CTNS: variants seen among roughly 807,000 people sequenced by gnomAD.
CTNS encodes cystinosin, lysosomal cystine transporter, also known as cystinosin.
CTNS carries 27 observed loss-of-function variants against 43.7 expected under a neutral mutation model. The observed-to-expected ratio is 0.62, with a 90% CI of 0.46 to 0.85. The LOEUF is 0.85. CTNS is among the 40% of genes least tolerant of loss of function. The probability of loss-of-function intolerance (pLI) is 0.00; values close to 1 mark genes in which losing one functional copy is unlikely to be tolerated. For synonymous variants in CTNS, 187 were observed against 190.6 expected (o/e 0.98, Z 0.16); for missense variants, 457 against 475.4 (o/e 0.96, Z 0.36).
At chr17:3,649,383 C>T (rs982870778) in intron 5 of CTNS, among the ~76,000 whole-genome samples, 6 of 146,538 alleles carry the variant, frequency 4.1e-5, no homozygotes, top group Non-Finnish European at 7.4e-5. Context: ...ACCCAGGAGG[C>T]GGAGGTTGGG....
chr17:3,656,690 C>T lies in CTNS; in HGVS notation c.576C>T (p.Leu192=). 1 of 1,613,142 alleles carries T rather than the reference C, an allele frequency of 6.2e-7. No individual in the cohort carries two copies. Among genetic ancestry groups the T allele is most frequent in the Non-Finnish European group, 8.5e-7 (1 of 1,179,902 alleles). ...WVPYIKEQFL[L]KYPNGVNPVN... is the part of the protein sequence containing the mutation. ...CCACCAAACAGGAGCAGTTTCTCCTCAAATACCCCAACGGAGTGAACCCCG... is the reference window on the plus strand; with the variant it reads ...CCACCAAACAGGAGCAGTTTCTCCTTAAATACCCCAACGGAGTGAACCCCG... Residue 192 remains leucine (L), a synonymous_variant, in exon 9 of 12, where the codon CTC becomes CTT. Transcript: ENST00000046640.
intron 5 of CTNS, among the ~76,000 whole-genome samples, chr17:3,651,240 A>G (rs2075974654): frequency 6.6e-6 from 1 of 150,730 alleles, no homozygotes; most frequent in African/African-American, 2.4e-5. Flanking sequence ...GATTACAGGC[A>G]CACACCACCA....
chr17:3,645,490 C>T (rs224503), intron 3 of CTNS, among the ~76,000 whole-genome samples: 54,453 of 151,886 alleles, frequency 0.36, 11,450 homozygotes, highest in Non-Finnish European at 0.47. Context: ...TTAGAGGAGA[C>T]GAGGTTACAG....
chr17:3,660,608 T>C lies in CTNS; in HGVS notation c.*239T>C. 1 of 1,613,180 alleles carries C rather than the reference T, an allele frequency of 6.2e-7. No individual in the cohort carries two copies. The highest frequency in any genetic ancestry group is 2.2e-5 in the East Asian group (1 of 44,876). ...CGTCGCCTTGACACCGCCATCTCTT[T>C]TCTTTAAGGCTTCAGGCAGCGCGCA... On this transcript the variant is annotated 3_prime_UTR_variant, in exon 12 of 12. Coordinates refer to ENST00000046640, the MANE Select transcript of CTNS (RefSeq NM_004937.3).
At position 3,660,268 on chromosome 17, in the gene CTNS, A is replaced by C; in HGVS notation, c.1003A>C (p.Lys335Gln). The C allele has an allele frequency of 6.2e-7, 1 of 1,614,184 alleles. No individual in the cohort carries two copies. The highest frequency in any genetic ancestry group is 8.5e-7 in the Non-Finnish European group (1 of 1,180,034). Reference sequence around the variant, plus strand: ...GACGCTGATCTTCGGAGACCCAACCAAGTTTGGACTCGGGGTCTTCTCCAT... The same window carrying C: ...GACGCTGATCTTCGGAGACCCAACCCAGTTTGGACTCGGGGTCTTCTCCAT... ...QWTLIFGDPT[K>Q]FGLGVFSIVF... The change falls in exon 12 of 12, where the codon AAG becomes CAG. Residue 335 changes from lysine to glutamine, a missense_variant. Coordinates refer to ENST00000046640, the MANE Select transcript of CTNS (RefSeq NM_004937.3).
chr17:3,652,858 G>A (rs952162180), intron 5 of CTNS, among the ~76,000 whole-genome samples: 1 of 152,198 alleles, frequency 6.6e-6, no homozygotes, highest in Non-Finnish European at 1.5e-5. Flanking sequence ...AGACGTGGAC[G>A]TAAGTTGGAC....
intron 2 of CTNS, 62 bp from the exon 3 acceptor site, chr17:3,640,126 T>A: frequency 7.4e-7 from 1 of 1,350,044 alleles, no homozygotes; most frequent in Non-Finnish European, 1.1e-6. Flanking sequence ...GCAGATTGTC[T>A]ACAGGGAGCT....
chr17:3,649,072 CT>C, intron 5 of CTNS, 141 bp downstream of exon 5: 1 of 752,796 alleles, frequency 1.3e-6, no homozygotes, highest in Admixed American at 2.0e-5. Context: ...TTGTTGGTGT[CT>C]TTTGGGGATG....
intron 3 of CTNS, among the ~76,000 whole-genome samples, chr17:3,645,638 T>A (rs1324350000): frequency 6.6e-6 from 1 of 152,010 alleles, no homozygotes; most frequent in Non-Finnish European, 1.5e-5. Flanking sequence ...GGCAGGCAGA[T>A]CACCTGATGT....
chr17:3,638,307 G>A (rs2075591827), intron 2 of CTNS, among the ~76,000 whole-genome samples: 1 of 151,110 alleles, frequency 6.6e-6, no homozygotes, highest in Non-Finnish European at 1.5e-5. Flanking sequence ...GTGCAATCTC[G>A]GCTCACTGCA....
chr17:3,657,724 CAG>C (rs2076187014), intron 9 of CTNS: 3 of 523,650 alleles, frequency 5.7e-6, no homozygotes, highest in East Asian at 6.8e-5. Context: ...ACAAAGCAGA[CAG>C]AGCTTGAGAG....
In CTNS at chr17:3,661,084, C is replaced by G; in HGVS notation, c.*715C>G. 2.7e-6 allele frequency: 1 copy of G among 364,654 alleles called. No individual in the cohort carries two copies. 22.6% of individuals were successfully genotyped at this position (364,654 alleles called of 1,614,324 possible). ...AGTGGCTTACTCTCTTCTGCCCTCTCTCCTACCTCCACCTTCTCAGATTAG... is the reference window on the plus strand; with the variant it reads ...AGTGGCTTACTCTCTTCTGCCCTCTGTCCTACCTCCACCTTCTCAGATTAG... On this transcript the variant is annotated 3_prime_UTR_variant, in exon 12 of 12. Coordinates refer to ENST00000046640, the MANE Select transcript of CTNS (RefSeq NM_004937.3).
At chr17:3,641,385 T>TATATATATATATATATATATA (rs57286057) in intron 3 of CTNS, among the ~76,000 whole-genome samples, 18 of 41,998 alleles carry the variant, frequency 4.3e-4, no homozygotes, top group East Asian at 3.2e-3. Flanking sequence ...TATATATATA[T>TATATATATATATATATATATA]TTTTTTTTTT....
intron 3 of CTNS, among the ~76,000 whole-genome samples, chr17:3,646,303 T>TC (rs2150902729): frequency 1.3e-5 from 2 of 150,374 alleles, no homozygotes; most frequent in East Asian, 3.9e-4. Flanking sequence ...TTTTTTTTTT[T>TC]TTTTTGAGAT....
chr17:3,639,575 C>T (rs1158878935), intron 2 of CTNS, among the ~76,000 whole-genome samples: 1 of 150,356 alleles, frequency 6.7e-6, no homozygotes, highest in African/African-American at 2.4e-5. Context: ...GGCTGAGGCA[C>T]AAGAATTGCT....
chr17:3,641,474 C>A (rs1176384906), intron 3 of CTNS, among the ~76,000 whole-genome samples: 3 of 142,904 alleles, frequency 2.1e-5, no homozygotes, highest in African/African-American at 7.9e-5. Flanking sequence ...CCACTGCAAC[C>A]TCCACCTCCC....
chr17:3,648,905 A>G lies in CTNS; in HGVS notation c.199A>G (p.Ile67Val). Reference protein sequence around the residue: ...TFEITFRSKNITILELPDEVV... With the variant: ...TFEITFRSKNVTILELPDEVV... ...TGAAATCACATTTCGTTCCAAAAAT[A>G]TTACTATCCTTGAGCTCCCCGATGA... The change falls in exon 5 of 12, where the codon ATT becomes GTT. Residue 67 changes from isoleucine (I) to valine (V), a missense_variant. Coordinates refer to ENST00000046640, the MANE Select transcript of CTNS (RefSeq NM_004937.3). 6.2e-7 allele frequency: 1 copy of G among 1,613,724 alleles called. No homozygotes were observed. The highest frequency in any genetic ancestry group is 8.5e-7 in the Non-Finnish European group (1 of 1,179,610).
chr17:3,639,185 G>A (rs378946), intron 2 of CTNS, among the ~76,000 whole-genome samples: 64,599 of 151,866 alleles, frequency 0.43, 14,407 homozygotes, highest in Non-Finnish European at 0.49. Context: ...GAGGCAGCAC[G>A]GAGACCAAGC....
Position 3,661,747 on chromosome 17 carries a change from C to A in CTNS, c.*1378C>A, listed in dbSNP as rs1404539051. Reference sequence around the variant, plus strand: ...CAGGTCAGTCTCCCAGGCTCCGTGTCTTCACGGTTACCAGGGCACGCCACT... The same window carrying A: ...CAGGTCAGTCTCCCAGGCTCCGTGTATTCACGGTTACCAGGGCACGCCACT... On this transcript the variant is annotated 3_prime_UTR_variant, in exon 12 of 12. Coordinates refer to ENST00000046640, the MANE Select transcript of CTNS (RefSeq NM_004937.3). Among the ~76,000 whole-genome samples the A allele has an allele frequency of 6.6e-6, 1 of 152,228 alleles. No individual in the cohort carries two copies. Among genetic ancestry groups the A allele is most frequent in the East Asian group, 1.9e-4 (1 of 5,188 alleles).
Sources: allele counts gnomAD v4.1 joint callset (sites outside exome capture counted in the v4.1 genomes callset), GRCh38; gene constraint gnomAD v4.1.1; transcripts MANE v1.5; gene names NCBI Gene and HGNC (gene_info 2026-07-23, HGNC 2026-07-21).